IL16: variants seen among roughly 807,000 people sequenced by gnomAD.
IL16 encodes interleukin 16, also known as pro-interleukin-16.
A neutral mutation model predicts 110.1 loss-of-function variants in IL16; 67 were observed. That is an observed-to-expected ratio of 0.61 (90% CI 0.50 to 0.75). The LOEUF (loss-of-function observed/expected upper bound fraction) is 0.75. Ranked by LOEUF, IL16 falls within the 30% of genes least tolerant of loss-of-function variation. The pLI is 0.00. For missense variants in IL16, 1,545 were observed against 1,655.0 expected, an observed-to-expected ratio of 0.93 and a Z score of 1.15; for synonymous variants, 689 against 662.9, an observed-to-expected ratio of 1.04 and a Z score of -0.61.
intron 1 of IL16, among the ~76,000 whole-genome samples, chr15:81,206,871 T>C (rs1159988793): frequency 6.6e-6 from 1 of 151,706 alleles, no homozygotes; most frequent in Non-Finnish European, 1.5e-5. Context: ...TAAATAATGA[T>C]GATGATGATG....
chr15:81,290,661 G>T (rs1899670575), intron 11 of IL16, 121 bp downstream of exon 11: 2 of 559,706 alleles, frequency 3.6e-6, no homozygotes, highest in East Asian at 6.6e-5. Flanking sequence ...GACCAGCATA[G>T]TATGTAGACA....
chr15:81,286,087 A>C (rs1387449169), intron 10 of IL16, among the ~76,000 whole-genome samples: 1 of 152,160 alleles, frequency 6.6e-6, no homozygotes, highest in Non-Finnish European at 1.5e-5. Flanking sequence ...GAAAGTAGAG[A>C]CCCAGGGTCC....
Position 81,296,891 on chromosome 15 carries a change from C to G in IL16, c.1903-37C>G, listed in dbSNP as rs370107778. On this transcript the variant is annotated intron_variant, in intron 12 of 18. Transcript: ENST00000683961. ...TCGCCTTCTCACAGCTTGAGGCTAC[C>G]GTTTTGACATGGTCTCGCTTCCTGT... 1.4e-4 allele frequency: 216 copies of G among 1,546,844 alleles called. No homozygotes were observed. The African/African-American group carries it at 2.7e-3, about 19-fold the overall frequency.
At chr15:81,306,244 C>T in intron 17 of IL16, 78 bp downstream of exon 17, 1 of 1,552,010 alleles carries the variant, frequency 6.4e-7, no homozygotes, top group Non-Finnish European at 8.7e-7. Context: ...GATGGGGCTA[C>T]TCAGTAATTT....
At chr15:81,221,105 G>T (rs955261988) in intron 1 of IL16, among the ~76,000 whole-genome samples, 2 of 151,950 alleles carry the variant, frequency 1.3e-5, no homozygotes, top group Non-Finnish European at 2.9e-5. Context: ...AGTATTCTGT[G>T]GAAGATATAA....
Position 81,310,791 on chromosome 15 carries a change from A to C in IL16, c.*1993A>C, listed in dbSNP as rs1900813360. On this transcript the variant is annotated 3_prime_UTR_variant, in exon 19 of 19. Transcript: ENST00000683961. The stretch of plus-strand genomic sequence containing the variant: ...AGACTGGAAGGTGGGGACAGGGATG[A>C]GCATGGAGCTGGCCGTGGGCCTGGG... 1 of 152,272 alleles carries C rather than the reference A, an allele frequency of 6.6e-6. No individual in the cohort carries two copies. Among genetic ancestry groups the C allele is most frequent in the Admixed American group, 6.5e-5 (1 of 15,272 alleles). The allele number at this position is 152,272 out of a possible 1,614,324, so 9.4% of individuals were successfully genotyped here.
rs147917567 is a variant in IL16 at position 81,241,628 on chromosome 15, A to G, written c.312+15917A>G. Among the ~76,000 whole-genome samples the G allele has an allele frequency of 3.5e-3, 530 of 152,216 alleles. 4 individuals carry two copies. Among genetic ancestry groups the G allele is most frequent in the African/African-American group, 0.012 (491 of 41,558 alleles). ...ATGCAATTTTTAAATAGTTATTTTA[A>G]TTAAACATTTTATTTTGCAATTATG... is the stretch of plus-strand genomic sequence containing the variant. On this transcript the variant is annotated intron_variant, in intron 2 of 18. Coordinates refer to ENST00000683961, the MANE Select transcript of IL16 (RefSeq NM_172217.5).
At chr15:81,281,596 T>A (rs962657050) in intron 8 of IL16, among the ~76,000 whole-genome samples, 1 of 152,238 alleles carries the variant, frequency 6.6e-6, no homozygotes, top group African/African-American at 2.4e-5. Flanking sequence ...GAAGTATCCA[T>A]TCCTCACTTT....
At chr15:81,204,228 A>G (rs2141964881) in intron 1 of IL16, among the ~76,000 whole-genome samples, 1 of 152,200 alleles carries the variant, frequency 6.6e-6, no homozygotes, top group Middle Eastern at 3.4e-3. Context: ...TTGGGCTGAG[A>G]CGATGGGGTT....
chr15:81,208,751 G>A (rs1896127052), intron 1 of IL16, among the ~76,000 whole-genome samples: 1 of 152,188 alleles, frequency 6.6e-6, no homozygotes, highest in South Asian at 2.1e-4. Context: ...ACATATAACA[G>A]CAGTATTGCT....
At chr15:81,234,718 T>C (rs1360173439) in intron 2 of IL16, among the ~76,000 whole-genome samples, 2 of 152,236 alleles carry the variant, frequency 1.3e-5, no homozygotes, top group Non-Finnish European at 2.9e-5. Context: ...TAAGATCACT[T>C]CCTTTCTGCC....
intron 1 of IL16, among the ~76,000 whole-genome samples, chr15:81,221,113 T>G (rs985278534): frequency 1.3e-5 from 2 of 152,022 alleles, no homozygotes; most frequent in Admixed American, 1.3e-4. Context: ...GTGGAAGATA[T>G]AACCAAAGAA....
chr15:81,273,192 A>G lies in IL16; in HGVS notation c.778A>G (p.Arg260Gly). The change falls in exon 6 of 19, where the codon AGG becomes GGG. Residue 260 changes from arginine (R) to glycine (G), a missense_variant. Coordinates refer to ENST00000683961, the MANE Select transcript of IL16 (RefSeq NM_172217.5). ...FAGGAAAADG[R>G]LQEGDEILEL... ...AGGGGGAGCAGCAGCAGCCGATGGA[A>G]GGCTACAGGAAGGTAGGCTTCCCAG... The G allele has an allele frequency of 6.2e-7, 1 of 1,611,326 alleles. No individual in the cohort carries two copies. Among genetic ancestry groups the G allele is most frequent in the Non-Finnish European group, 8.5e-7 (1 of 1,178,298 alleles).
At chr15:81,189,120 A>ATT (rs34519204) in intron 1 of IL16, among the ~76,000 whole-genome samples, 29 of 126,896 alleles carry the variant, frequency 2.3e-4, no homozygotes, top group East Asian at 4.6e-4. Flanking sequence ...TGCCAAGATA[A>ATT]TTTTTTTTTT....
At chr15:81,273,269 G>T in intron 6 of IL16, 65 bp downstream of exon 6, 1 of 1,203,304 alleles carries the variant, frequency 8.3e-7, no homozygotes, top group South Asian at 1.4e-5. Context: ...GAATTGCTGG[G>T]GCCATAGAAG....
intron 1 of IL16, among the ~76,000 whole-genome samples, chr15:81,225,091 C>G (rs367947591): frequency 6.6e-6 from 1 of 152,138 alleles, no homozygotes; most frequent in Non-Finnish European, 1.5e-5. Context: ...CTCCATGACA[C>G]TGGGAGTGGA....
intron 2 of IL16, among the ~76,000 whole-genome samples, chr15:81,248,719 CTTTTTT>C (rs61480285): frequency 1.8e-5 from 2 of 112,244 alleles, no homozygotes. Flanking sequence ...TTCTTTCTTT[CTTTTTT>C]TTTTTTTTTT....
At chr15:81,184,035 A>G (rs1422393662) in intron 1 of IL16, among the ~76,000 whole-genome samples, 2 of 152,234 alleles carry the variant, frequency 1.3e-5, no homozygotes, top group Admixed American at 1.3e-4. Flanking sequence ...TTGAGGATGA[A>G]GAAAAGAGTG....
rs544086330 is a variant in IL16, at chr15:81,288,031, C to T, written c.1332+2201C>T. ...TGGGCTTAAGGAATGTGCATTCTCC[C>T]AGAGACATGGGACACACACAGAGAG... On this transcript the variant is annotated intron_variant, in intron 10 of 18. Coordinates refer to ENST00000683961, the MANE Select transcript of IL16 (RefSeq NM_172217.5). Among the ~76,000 whole-genome samples, 8 of 152,332 alleles carry T rather than the reference C, an allele frequency of 5.3e-5. No individual in the cohort carries two copies. In the South Asian group the frequency reaches 1.7e-3, roughly 32 times the overall value.
Sources: gnomAD v4.1 joint callset for allele counts (sites outside exome capture counted in the v4.1 genomes callset) on GRCh38, gnomAD v4.1.1 for gene constraint, MANE v1.5 for transcripts, NCBI Gene and HGNC (gene_info 2026-07-23, HGNC 2026-07-21) for gene names.